AATF: variants seen among roughly 807,000 people sequenced by gnomAD.
AATF encodes the protein apoptosis antagonizing transcription factor.
AATF carries 48 observed loss-of-function variants against 63.7 expected under a neutral mutation model. The ratio of observed to expected loss-of-function variants is 0.75; its 90% confidence interval spans 0.60 to 0.96. The LOEUF (loss-of-function observed/expected upper bound fraction) is 0.96, where lower values mean the gene tolerates loss of function less well. Among genes scored for constraint, AATF ranks in the 40% least tolerant of loss-of-function variants. The pLI, the probability that AATF is intolerant of heterozygous loss-of-function variation, is 0.00. For synonymous variants in AATF, 258 were observed against 247.7 expected, an observed-to-expected ratio of 1.04 and a Z score of -0.39; for missense variants, 639 against 685.7, an observed-to-expected ratio of 0.93 and a Z score of 0.76.
Position 37,016,535 on chromosome 17 carries a change from T to C in AATF, c.1399-2470T>C, listed in dbSNP as rs545954021. 2.6e-5 allele frequency among the ~76,000 whole-genome samples: 4 copies of C among 152,300 alleles called. No individual in the cohort carries two copies. The South Asian group carries it at 8.3e-4, about 32-fold the overall frequency. ...AGCAAAAACATTTTCTCTCTCTCCATTTTCCAAATCACATAGAAAATTACT... is the reference window on the plus strand; with the variant it reads ...AGCAAAAACATTTTCTCTCTCTCCACTTTCCAAATCACATAGAAAATTACT... On this transcript the variant is annotated intron_variant, in intron 8 of 11. Transcript: ENST00000619387.
intron 4 of AATF, among the ~76,000 whole-genome samples, chr17:36,973,871 G>A (rs1028455962): frequency 2.6e-5 from 4 of 152,290 alleles, no homozygotes; most frequent in African/African-American, 9.6e-5. Context: ...AAGAGTTCAA[G>A]ACCAGCCTGG....
chr17:37,003,037 G>C (rs2142266312), intron 8 of AATF, among the ~76,000 whole-genome samples: 1 of 151,036 alleles, frequency 6.6e-6, no homozygotes, highest in East Asian at 1.9e-4. Context: ...ACACTTTCCA[G>C]TTTCAAAACT....
chr17:37,002,314 G>T (rs1345261595), intron 8 of AATF, among the ~76,000 whole-genome samples: 1 of 151,962 alleles, frequency 6.6e-6, no homozygotes, highest in South Asian at 2.1e-4. Context: ...AAAATCAGTT[G>T]TGTTTCTGTA....
At chr17:36,956,704 C>T (rs541877524) in intron 4 of AATF, among the ~76,000 whole-genome samples, 19 of 151,706 alleles carry the variant, frequency 1.3e-4, no homozygotes, top group East Asian at 5.8e-4. Context: ...TGGCCGGGCA[C>T]GGTGGCTCCC....
At chr17:37,018,169 G>GT (rs889738968) in intron 8 of AATF, among the ~76,000 whole-genome samples, 7 of 152,152 alleles carry the variant, frequency 4.6e-5, no homozygotes, top group Admixed American at 3.9e-4. Context: ...CTCCCTTAGT[G>GT]TTTAACTTTT....
chr17:36,959,096 G>A (rs1372492330), intron 4 of AATF, among the ~76,000 whole-genome samples: 1 of 151,722 alleles, frequency 6.6e-6, no homozygotes, highest in East Asian at 1.9e-4. Flanking sequence ...AGTGAGGCGA[G>A]ATTGCGCCAC....
At chr17:37,004,101 A>T (rs921135418) in intron 8 of AATF, among the ~76,000 whole-genome samples, 2 of 152,054 alleles carry the variant, frequency 1.3e-5, no homozygotes, top group African/African-American at 4.8e-5. Flanking sequence ...AGGCCGAGGC[A>T]GGTGGATCAC....
Position 37,056,756 on chromosome 17 carries a change from G to C in AATF, c.*92G>C. On this transcript the variant is annotated 3_prime_UTR_variant, in exon 12 of 12. Coordinates refer to ENST00000619387, the MANE Select transcript of AATF (RefSeq NM_012138.4). Reference sequence around the variant, plus strand: ...CCAGTGACTTTATGGGGCTGAGCTAGTAGGGAAGCCCCTGGAAAGATGCTG... The same window carrying C: ...CCAGTGACTTTATGGGGCTGAGCTACTAGGGAAGCCCCTGGAAAGATGCTG... The C allele has an allele frequency of 1.5e-6, 2 of 1,366,460 alleles. No individual in the cohort carries two copies. Among genetic ancestry groups the C allele is most frequent in the Non-Finnish European group, 2.1e-6 (2 of 967,990 alleles). The allele number at this position is 1,366,460 out of a possible 1,614,324, so 84.6% of individuals were successfully genotyped here. A position where few individuals can be genotyped will look rare whatever the true frequency, so the allele number is the denominator to read the frequency against.
At chr17:37,049,810 G>T (rs894729127) in intron 11 of AATF, among the ~76,000 whole-genome samples, 1 of 152,040 alleles carries the variant, frequency 6.6e-6, no homozygotes, top group Non-Finnish European at 1.5e-5. Flanking sequence ...ATCTTTTTCC[G>T]CAGACATTTG....
rs772483101 is a variant in AATF at position 36,953,230 on chromosome 17, A to G, written c.628A>G (p.Met210Val). The part of the protein sequence containing the change: ...DRNSEDDGVV[M>V]TFSSVKVSEE... The stretch of plus-strand genomic sequence containing the variant: ...AAACAGTGAGGATGATGGTGTGGTG[A>G]TGACCTTCTCTAGTGTCAAAGTTTC... The change falls in exon 3 of 12, where the codon ATG becomes GTG. Residue 210 changes from methionine (M) to valine (V), a missense_variant. Met to Val is a conservative substitution (Grantham distance 21, BLOSUM62 1). Coordinates refer to ENST00000619387, the MANE Select transcript of AATF (RefSeq NM_012138.4). The G allele has an allele frequency of 6.2e-7, 1 of 1,614,212 alleles. No homozygotes were observed. The highest frequency in any genetic ancestry group is 8.5e-7 in the Non-Finnish European group (1 of 1,180,042).
chr17:36,987,153 A>ATTTTTTTTTTTTTTTTTTT (rs11286976), intron 5 of AATF, among the ~76,000 whole-genome samples: 5 of 121,372 alleles, frequency 4.1e-5, no homozygotes, highest in African/African-American at 1.6e-4. Flanking sequence ...ATGCCTGGCT[A>ATTTTTTTTTTTTTTTTTTT]TTTTTTTTTT....
At chr17:36,986,368 T>C (rs1283721960) in intron 4 of AATF, among the ~76,000 whole-genome samples, 3 of 152,218 alleles carry the variant, frequency 2.0e-5, no homozygotes, top group South Asian at 2.1e-4. Context: ...ACTCTTACTC[T>C]TTGCAGACAC....
intron 8 of AATF, among the ~76,000 whole-genome samples, chr17:37,016,946 A>G (rs2071433306): frequency 1.3e-5 from 2 of 152,244 alleles, no homozygotes; most frequent in Non-Finnish European, 2.9e-5. Context: ...CAAGTCATGA[A>G]TGAGTAAAAA....
At chr17:36,974,705 T>C (rs1454915694) in intron 4 of AATF, among the ~76,000 whole-genome samples, 1 of 152,202 alleles carries the variant, frequency 6.6e-6, no homozygotes, top group African/African-American at 2.4e-5. Flanking sequence ...ATGGTATCTG[T>C]TATTTTAATT....
intron 4 of AATF, among the ~76,000 whole-genome samples, chr17:36,954,633 A>G (rs981507771): frequency 6.6e-6 from 1 of 152,228 alleles, no homozygotes; most frequent in East Asian, 1.9e-4. Flanking sequence ...TTACTGAGCT[A>G]TAAAGAATTC....
chr17:36,960,032 G>A (rs921127708), intron 4 of AATF, among the ~76,000 whole-genome samples: 2 of 150,784 alleles, frequency 1.3e-5, no homozygotes, highest in Non-Finnish European at 2.9e-5. Flanking sequence ...TTCCCCCCCC[G>A]AGATGGAGTC....
chr17:37,010,375 G>T (rs1403584360), intron 8 of AATF, among the ~76,000 whole-genome samples: 1 of 152,104 alleles, frequency 6.6e-6, no homozygotes, highest in Non-Finnish European at 1.5e-5. Context: ...GGAGAATGGC[G>T]TGAACCCAGA....
chr17:36,963,322 C>T (rs1047755782), intron 4 of AATF, among the ~76,000 whole-genome samples: 4 of 151,528 alleles, frequency 2.6e-5, no homozygotes, highest in Admixed American at 1.3e-4. Context: ...AAAGTTACAA[C>T]ATGCAGTCTT....
chr17:37,041,988 T>A (rs898894494), intron 11 of AATF, among the ~76,000 whole-genome samples: 1 of 152,190 alleles, frequency 6.6e-6, no homozygotes, highest in Non-Finnish European at 1.5e-5. Flanking sequence ...TTTCTATCAT[T>A]TGTAGTTGTT....
Sources: gnomAD v4.1 joint callset for allele counts (sites outside exome capture counted in the v4.1 genomes callset) on GRCh38, gnomAD v4.1.1 for gene constraint, MANE v1.5 for transcripts, NCBI Gene and HGNC (gene_info 2026-07-23, HGNC 2026-07-21) for gene names.